SRGAP2: variants seen among roughly 807,000 people sequenced by gnomAD.
SRGAP2 encodes the protein SLIT-ROBO Rho GTPase-activating protein 2.
A neutral mutation model predicts 57.2 loss-of-function variants in SRGAP2; 15 were observed. The ratio of observed to expected loss-of-function variants is 0.26; its 90% CI spans 0.18 to 0.40. The LOEUF (loss-of-function observed/expected upper bound fraction) is 0.40, where lower values mean the gene tolerates loss of function less well. SRGAP2 is among the 10% of genes least tolerant of loss of function. The probability of loss-of-function intolerance (pLI) is 1.00; values close to 1 mark genes in which losing one functional copy is unlikely to be tolerated. For synonymous variants in SRGAP2, 249 were observed against 248.0 expected, an observed-to-expected ratio of 1.00 and a Z score of -0.04; for missense variants, 520 against 669.6, an observed-to-expected ratio of 0.78 and a Z score of 2.47.
intron 16 of SRGAP2, among the ~76,000 whole-genome samples, chr1:206,439,173 A>G (rs1426645625): frequency 6.6e-6 from 1 of 152,026 alleles, no homozygotes; most frequent in Admixed American, 6.5e-5. Flanking sequence ...AGTACTTCCC[A>G]TCTCTTTTTC....
At chr1:206,302,008 T>TGCATTACATA (rs1366489919) in intron 2 of SRGAP2, among the ~76,000 whole-genome samples, 7 of 151,548 alleles carry the variant, frequency 4.6e-5, no homozygotes, top group African/African-American at 1.5e-4. Context: ...CCCATAATGA[T>TGCATTACATA]GCATTACATA....
At chr1:206,309,816 G>A (rs1553323408) in intron 3 of SRGAP2, among the ~76,000 whole-genome samples, 1 of 151,266 alleles carries the variant, frequency 6.6e-6, no homozygotes, top group East Asian at 1.9e-4. Flanking sequence ...TTGTGGGAGA[G>A]ATGAAAGTAT....
intron 4 of SRGAP2, among the ~76,000 whole-genome samples, chr1:206,376,160 C>G (rs1198094487): frequency 6.6e-6 from 1 of 151,806 alleles, no homozygotes; most frequent in African/African-American, 2.4e-5. Flanking sequence ...TCCTTATTTT[C>G]ATTCTGCCAC....
chr1:206,461,181 T>A lies in SRGAP2; in HGVS notation c.2977T>A (p.Ser993Thr), dbSNP rs116377172. Residue 993 changes from serine (S) to threonine (T), a missense_variant, in exon 23 of 23, where the codon TCC (serine) becomes ACC (threonine). Coordinates refer to ENST00000573034, the MANE Select transcript of SRGAP2 (RefSeq NM_015326.5). Reference sequence around the variant, plus strand: ...AGTGGTGGCCCCCACGTCAGAGCCCTCCAGCCCTCTGCACACCCAGCTCCT... The same window carrying A: ...AGTGGTGGCCCCCACGTCAGAGCCCACCAGCCCTCTGCACACCCAGCTCCT... ...SPVVAPTSEP[S>T]SPLHTQLLKD... The A allele has an allele frequency of 0.015, 11,449 of 780,468 alleles. 122 individuals carry two copies. Among genetic ancestry groups the A allele is most frequent in the Non-Finnish European group, 0.021 (8,961 of 417,788 alleles). 48.3% of individuals were successfully genotyped at this position (780,468 alleles called of 1,614,324 possible). A position where few individuals can be genotyped will look rare whatever the true frequency, so the allele number is the denominator to read the frequency against.
chr1:206,303,264 T>G lies in SRGAP2; in HGVS notation c.68-17T>G. The stretch of plus-strand genomic sequence containing the variant: ...TAGGGCGGTCTTTCTGACTGTCTTC[T>G]CTTGTTTTTGTTGTAGAGATCCGTG... On this transcript the variant is annotated splice_polypyrimidine_tract_variant and intron_variant, in intron 2 of 22. Coordinates refer to ENST00000573034, the MANE Select transcript of SRGAP2 (RefSeq NM_015326.5). The G allele has an allele frequency of 6.9e-7, 1 of 1,439,618 alleles. No individual in the cohort carries two copies. 89.2% of individuals were successfully genotyped at this position (1,439,618 alleles called of 1,614,324 possible). A position where few individuals can be genotyped will look rare whatever the true frequency, so the allele number is the denominator to read the frequency against.
chr1:206,450,265 T>A (rs1458647516), intron 18 of SRGAP2, 121 bp from the exon 19 acceptor site: 18 of 636,968 alleles, frequency 2.8e-5, no homozygotes, highest in Non-Finnish European at 4.9e-5. Flanking sequence ...TTGTGTGCAG[T>A]TAGGATATAG....
At chr1:206,455,404 C>G (rs1469303599) in intron 21 of SRGAP2, 1 of 256,540 alleles carries the variant, frequency 3.9e-6, no homozygotes, top group Non-Finnish European at 7.6e-6. Context: ...AATCCATACT[C>G]AAATAATAGT....
chr1:206,360,243 A>G (rs1460748035), intron 4 of SRGAP2, among the ~76,000 whole-genome samples: 1 of 148,664 alleles, frequency 6.7e-6, no homozygotes, highest in Non-Finnish European at 1.5e-5. Flanking sequence ...AATAGTGCAC[A>G]TCTAAGGCCA....
At chr1:206,286,947 G>A (rs1671062019) in intron 2 of SRGAP2, among the ~76,000 whole-genome samples, 1 of 152,144 alleles carries the variant, frequency 6.6e-6, no homozygotes, top group Non-Finnish European at 1.5e-5. Flanking sequence ...CAGGGCTGCA[G>A]TGTGGAGAGT....
intron 2 of SRGAP2, among the ~76,000 whole-genome samples, chr1:206,293,014 G>C (rs1169451021): frequency 2.6e-5 from 4 of 152,088 alleles, no homozygotes; most frequent in African/African-American, 9.7e-5. Context: ...GCTAAGCTGG[G>C]TCCTGCACAA....
At chr1:206,372,896 CTCCT>C (rs1654657986) in intron 4 of SRGAP2, among the ~76,000 whole-genome samples, 2 of 36,556 alleles carry the variant, frequency 5.5e-5, no homozygotes, top group Admixed American at 3.3e-4. Context: ...TTCTTTCTCT[CTCCT>C]TTCTTTCTTT....
At chr1:206,214,940 A>T (rs1666557034) in intron 2 of SRGAP2, 1 of 152,118 alleles carries the variant, frequency 6.6e-6, no homozygotes, top group Non-Finnish European at 1.5e-5. Flanking sequence ...AATAGATCTC[A>T]TATGGCATTG....
At chr1:206,290,137 C>CA (rs1391354753) in intron 2 of SRGAP2, among the ~76,000 whole-genome samples, 2 of 151,508 alleles carry the variant, frequency 1.3e-5, no homozygotes, top group African/African-American at 2.4e-5. Flanking sequence ...CCACAACCAG[C>CA]ATTTAAAAAG....
At chr1:206,287,402 A>T in intron 2 of SRGAP2, among the ~76,000 whole-genome samples, 1 of 134,184 alleles carries the variant, frequency 7.5e-6, no homozygotes, top group Middle Eastern at 3.5e-3. Context: ...TCTGATAGGA[A>T]GCAAGGAGAG....
At chr1:206,389,581 G>A (rs1656715625) in intron 5 of SRGAP2, among the ~76,000 whole-genome samples, 1 of 151,966 alleles carries the variant, frequency 6.6e-6, no homozygotes, top group African/African-American at 2.4e-5. Flanking sequence ...CTGCTTCCTG[G>A]CTCACTCTAG....
intron 2 of SRGAP2, among the ~76,000 whole-genome samples, chr1:206,290,436 C>G (rs1276970163): frequency 1.3e-5 from 2 of 152,082 alleles, no homozygotes; most frequent in African/African-American, 2.4e-5. Flanking sequence ...CACCAGAGGT[C>G]AGGAGTTCGA....
At chr1:206,314,144 T>G (rs1226998617) in intron 3 of SRGAP2, among the ~76,000 whole-genome samples, 7 of 141,426 alleles carry the variant, frequency 4.9e-5, no homozygotes, top group East Asian at 3.9e-4. Context: ...GTTGTTTGGG[T>G]TTTTTTTTAG....
rs1210856430 is a variant in SRGAP2, at chr1:206,333,258, G to A, written c.261-9588G>A. 188 of 1,129,752 alleles carry A rather than the reference G, an allele frequency of 1.7e-4. No homozygotes were observed. In the South Asian group the frequency reaches 2.1e-3, roughly 13 times the overall value. 70.0% of individuals were successfully genotyped at this position (1,129,752 alleles called of 1,614,324 possible). A position where few individuals can be genotyped will look rare whatever the true frequency, so the allele number is the denominator to read the frequency against. On this transcript the variant is annotated intron_variant, in intron 3 of 22. Coordinates refer to ENST00000573034, the MANE Select transcript of SRGAP2 (RefSeq NM_015326.5). ...ATCACCCGTCTTCTGCGTCGCTCACGCTGGGAGCTGTAGACCGGAGCTGTT... is the reference window on the plus strand; with the variant it reads ...ATCACCCGTCTTCTGCGTCGCTCACACTGGGAGCTGTAGACCGGAGCTGTT...
intron 4 of SRGAP2, among the ~76,000 whole-genome samples, chr1:206,353,506 G>A (rs1676185928): frequency 1.3e-5 from 2 of 152,026 alleles, no homozygotes; most frequent in South Asian, 4.2e-4. Flanking sequence ...AATTAGCTGG[G>A]CATGGTGGTA....
Sources: allele counts gnomAD v4.1 joint callset (sites outside exome capture counted in the v4.1 genomes callset), GRCh38; gene constraint gnomAD v4.1.1; transcripts MANE v1.5; gene names NCBI Gene and HGNC (gene_info 2026-07-23, HGNC 2026-07-21).